CADPS: variants seen among roughly 807,000 people sequenced by gnomAD.
The protein encoded by CADPS is calcium dependent secretion activator.
CADPS carries 57 observed loss-of-function variants against 167.3 expected under a neutral mutation model. That is an observed-to-expected ratio of 0.34 (90% confidence interval 0.28 to 0.42). CADPS has a LOEUF of 0.42. CADPS is among the 20% of genes least tolerant of loss of function. The probability of loss-of-function intolerance (pLI) is 1.00; values close to 1 mark genes in which losing one functional copy is unlikely to be tolerated. For missense variants in CADPS, 1,414 were observed against 1,738.1 expected (o/e 0.81, Z 3.32); for synonymous variants, 676 against 635.3 (o/e 1.06, Z -0.96).
At chr3:62,530,826 G>T in intron 13 of CADPS, 5 of 1,261,662 alleles carry the variant, frequency 4.0e-6, no homozygotes, top group Non-Finnish European at 5.1e-6. Context: ...TGGAGAGGGG[G>T]TGGTCGCATG....
At chr3:62,493,006 A>G (rs776919096) in intron 19 of CADPS, among the ~76,000 whole-genome samples, 9 of 152,198 alleles carry the variant, frequency 5.9e-5, no homozygotes, top group Non-Finnish European at 1.3e-4. Flanking sequence ...TTGTCACAAA[A>G]CTTTTGAGTT....
intron 13 of CADPS, among the ~76,000 whole-genome samples, chr3:62,521,263 G>A (rs1209222610): frequency 2.0e-5 from 3 of 152,112 alleles, no homozygotes; most frequent in Non-Finnish European, 4.4e-5. Flanking sequence ...GTGGCAGAGA[G>A]GGTATATTTG....
chr3:62,835,264 T>C (rs931092565), intron 1 of CADPS, among the ~76,000 whole-genome samples: 7 of 152,140 alleles, frequency 4.6e-5, no homozygotes, highest in Admixed American at 1.3e-4. Flanking sequence ...AGAACTGATA[T>C]TGCAGGCTAC....
At chr3:62,740,237 G>A (rs937321953) in intron 3 of CADPS, among the ~76,000 whole-genome samples, 1 of 152,172 alleles carries the variant, frequency 6.6e-6, no homozygotes, top group Non-Finnish European at 1.5e-5. Context: ...ATAGGGCATG[G>A]TCTTCTCTTG....
rs9867870 is a variant in CADPS, at chr3:62,488,496, A to G, written c.3026+2843T>C. ...TATTTATTTATTTATTTATTTATTTATTATTATTATTTTTTAATAGGGACT... is the reference window on the plus strand; with the variant it reads ...TATTTATTTATTTATTTATTTATTTGTTATTATTATTTTTTAATAGGGACT... On this transcript the variant is annotated intron_variant, in intron 21 of 29. Transcript: ENST00000383710. Among the ~76,000 whole-genome samples the G allele has an allele frequency of 4.7e-5, 7 of 147,844 alleles. No individual in the cohort carries two copies. In the East Asian group the frequency reaches 9.8e-4, roughly 21 times the overall value.
In CADPS at chr3:62,532,927, G is replaced by T; in HGVS notation, c.2235C>A (p.Asp745Glu). 6.2e-7 allele frequency: 1 copy of T among 1,613,786 alleles called. No individual in the cohort carries two copies. The highest frequency in any genetic ancestry group is 1.1e-5 in the South Asian group (1 of 91,070). The change falls in exon 13 of 30, where the codon GAC becomes GAA. Residue 745 changes from aspartate to glutamate, a missense_variant. By Grantham distance (45) the Asp-to-Glu change is conservative (BLOSUM62 2). This residue lies in a region of CADPS where 529 missense variants were observed against 629.6 expected (regional missense o/e 0.84). Transcript: ENST00000383710. Reference sequence around the variant, plus strand: ...CAAAGCTGTAGTGAAGAAGGGTGGGGTCGATCATGGCGCCATTTTCTGCCC... The same window carrying T: ...CAAAGCTGTAGTGAAGAAGGGTGGGTTCGATCATGGCGCCATTTTCTGCCC... ...LERAENGAMI[D>E]PTLLHYSFAF... is the part of the protein sequence containing the mutation.
intron 24 of CADPS, chr3:62,466,765 A>G: frequency 4.0e-6 from 1 of 252,480 alleles, no homozygotes; most frequent in Non-Finnish European, 7.8e-6. Context: ...TTAACACAGG[A>G]GATTAAAAAT....
chr3:62,523,511 G>C lies in CADPS; in HGVS notation c.2292-5261C>G, dbSNP rs145926263. Among the ~76,000 whole-genome samples the C allele has an allele frequency of 4.3e-4, 65 of 152,216 alleles. No individual in the cohort carries two copies. In the East Asian group the frequency reaches 8.9e-3, roughly 21 times the overall value. On this transcript the variant is annotated intron_variant, in intron 13 of 29. Transcript: ENST00000383710. ...TAGCAGTTCATTATCTTTCTAGAATGGTTCTCCATATTATGTTAAAAGCTG... is the reference window on the plus strand; with the variant it reads ...TAGCAGTTCATTATCTTTCTAGAATCGTTCTCCATATTATGTTAAAAGCTG...
intron 1 of CADPS, among the ~76,000 whole-genome samples, chr3:62,788,496 A>G (rs1290119935): frequency 2.6e-5 from 4 of 152,198 alleles, no homozygotes; most frequent in Admixed American, 2.6e-4. Flanking sequence ...ATGATCTTAA[A>G]CAAGATCCAC....
intron 6 of CADPS, among the ~76,000 whole-genome samples, chr3:62,607,424 G>T (rs929887572): frequency 6.6e-6 from 1 of 152,142 alleles, no homozygotes; most frequent in Non-Finnish European, 1.5e-5. Flanking sequence ...ACGCTCAAGT[G>T]CTCCCAGGAA....
At chr3:62,599,823 ATT>A (rs2059622937) in intron 6 of CADPS, among the ~76,000 whole-genome samples, 1 of 7,014 alleles carries the variant, frequency 1.4e-4, no homozygotes, top group Non-Finnish European at 3.2e-4. Context: ...TATATTATAT[ATT>A]ATATATATAA....
At chr3:62,686,626 G>A (rs574247296) in intron 3 of CADPS, among the ~76,000 whole-genome samples, 2 of 151,940 alleles carry the variant, frequency 1.3e-5, no homozygotes, top group Admixed American at 1.3e-4. Flanking sequence ...TTTCATAATA[G>A]CATGTACTTA....
At chr3:62,706,200 C>T (rs909117280) in intron 3 of CADPS, among the ~76,000 whole-genome samples, 2 of 152,102 alleles carry the variant, frequency 1.3e-5, no homozygotes, top group Non-Finnish European at 2.9e-5. Context: ...TTGAATGGCA[C>T]CTCTCTAATG....
chr3:62,738,583 G>A (rs1371568877), intron 3 of CADPS, among the ~76,000 whole-genome samples: 1 of 152,036 alleles, frequency 6.6e-6, no homozygotes, highest in Non-Finnish European at 1.5e-5. Context: ...AAAATTAACT[G>A]AGCGTGGTGG....
chr3:62,527,473 G>A (rs1318217650), intron 13 of CADPS, among the ~76,000 whole-genome samples: 1 of 151,686 alleles, frequency 6.6e-6, no homozygotes, highest in South Asian at 2.1e-4. Flanking sequence ...GGGGGAGTGG[G>A]GATTACCCCC....
At chr3:62,752,794 G>A (rs2082985294) in intron 3 of CADPS, among the ~76,000 whole-genome samples, 1 of 152,186 alleles carries the variant, frequency 6.6e-6, no homozygotes, top group Non-Finnish European at 1.5e-5. Flanking sequence ...CTGCAAAATA[G>A]GCACGTAATA....
rs760912054 is a variant in CADPS at position 62,549,890 on chromosome 3, C to T, written c.1966+13G>A. On this transcript the variant is annotated intron_variant, in intron 11 of 29. Transcript: ENST00000383710. ...CTACAGAGCTATTTTTGTAAAACGG[C>T]ATATTTACTTACAAAATTGAGAGAT... 1 of 1,602,732 alleles carries T rather than the reference C, an allele frequency of 6.2e-7. No homozygotes were observed.
At chr3:62,866,235 T>C (rs548375599) in intron 1 of CADPS, among the ~76,000 whole-genome samples, 3 of 152,248 alleles carry the variant, frequency 2.0e-5, no homozygotes, top group African/African-American at 7.2e-5. Context: ...ACATAACTTA[T>C]TTTGAAGCCA....
chr3:62,592,603 C>A, intron 7 of CADPS, 34 bp downstream of exon 7: 1 of 1,503,606 alleles, frequency 6.7e-7, no homozygotes, highest in Non-Finnish European at 9.3e-7. Flanking sequence ...GAAATCCTCT[C>A]TGTGGAGTTC....
Sources: allele counts gnomAD v4.1 joint callset (sites outside exome capture counted in the v4.1 genomes callset), GRCh38; gene constraint gnomAD v4.1.1; regional missense constraint gnomAD v4.1.1; transcripts MANE v1.5; gene names NCBI Gene and HGNC (gene_info 2026-07-23, HGNC 2026-07-21).